Variants in NACA observed in about 807,000 individuals in gnomAD.
NACA encodes the protein nascent polypeptide associated complex subunit alpha, also known as nascent polypeptide-associated complex subunit alpha.
In NACA, 42 loss-of-function variants were observed where a neutral mutation model predicts 86.4. The observed-to-expected ratio is 0.49, with a 90% confidence interval of 0.38 to 0.63. The LOEUF (loss-of-function observed/expected upper bound fraction) is 0.63, where lower values mean the gene tolerates loss of function less well. NACA is among the 20% of genes least tolerant of loss of function. The pLI is 0.00. For missense variants in NACA, 2,157 were observed against 2,483.6 expected (o/e 0.87, Z 2.80); for synonymous variants, 898 against 973.7 (o/e 0.92, Z 1.45).
chr12:56,720,678 AG>A lies in NACA; in HGVS notation c.851del (p.Pro284LeufsTer3), dbSNP rs1782465036. On this transcript the variant is annotated frameshift_variant, in exon 3 of 9. Coordinates refer to ENST00000454682, the MANE Select transcript of NACA (RefSeq NM_001365896.1). LOFTEE classifies it high-confidence loss of function. Reference sequence around the variant, plus strand: ...CAGTCTTTTGAGAAGAGGTCACCACAGGAAGAGACTGAGTTGAAAGAGATAA... The same window carrying A: ...CAGTCTTTTGAGAAGAGGTCACCACAGAAGAGACTGAGTTGAAAGAGATAA... ...AALSLSTQSL[P>X]VVTSSQKTAG... 3 of 1,613,888 alleles carry A rather than the reference AG, an allele frequency of 1.9e-6. No individual in the cohort carries two copies. Among genetic ancestry groups the A allele is most frequent in the African/African-American group, 2.7e-5 (2 of 74,932 alleles).
At chr12:56,724,310 G>A (rs1270298439) in intron 2 of NACA, 142 bp downstream of exon 2, 4 of 721,758 alleles carry the variant, frequency 5.5e-6, no homozygotes, top group African/African-American at 3.6e-5. Flanking sequence ...AGTATCTCCA[G>A]GATAGTAATT....
Position 56,719,094 on chromosome 12 carries a change from C to G in NACA, c.2436G>C (p.Lys812Asn). The change falls in exon 3 of 9, where the codon AAG (lysine) becomes AAC (asparagine). Residue 812 changes from lysine to asparagine, a missense_variant. Coordinates refer to ENST00000454682, the MANE Select transcript of NACA (RefSeq NM_001365896.1). ...SPQTKRPPTK[K>N]GSAGPDTPIG... ...TAGGAGTATCAGGGCCAGCAGAACCCTTCTTGGTTGGAGGTCTTTTAGTCT... is the reference window on the plus strand; with the variant it reads ...TAGGAGTATCAGGGCCAGCAGAACCGTTCTTGGTTGGAGGTCTTTTAGTCT... The G allele has an allele frequency of 6.9e-7, 1 of 1,451,860 alleles. No individual in the cohort carries two copies. The highest frequency in any genetic ancestry group is 9.3e-7 in the Non-Finnish European group (1 of 1,074,432). 89.9% of individuals were successfully genotyped at this position (1,451,860 alleles called of 1,614,324 possible).
In NACA at chr12:56,715,992, C is replaced by G. The variant is rs377576508; in HGVS notation, c.5538G>C (p.Pro1846=). The G allele has an allele frequency of 6.3e-7, 1 of 1,588,000 alleles. No homozygotes were observed. Among genetic ancestry groups the G allele is most frequent in the Admixed American group, 1.7e-5 (1 of 57,770 alleles). The change falls in exon 3 of 9, where the codon CCG becomes CCC. Residue 1846 remains proline (P), a synonymous_variant. Coordinates refer to ENST00000454682, the MANE Select transcript of NACA (RefSeq NM_001365896.1). Reference sequence around the variant, plus strand: ...AAGGCACTCCCCCAGAGATTGGTTCCGGGGGAATCAGAGGCAGCAGCTCAT... The same window carrying G: ...AAGGCACTCCCCCAGAGATTGGTTCGGGGGGAATCAGAGGCAGCAGCTCAT... ...DEDELLPLIP[P]EPISGGVPFQ...
Position 56,720,723 on chromosome 12 carries a change from A to C in NACA, c.807T>G (p.Pro269=), listed in dbSNP as rs1953549059. The C allele has an allele frequency of 6.2e-7, 1 of 1,613,988 alleles. No individual in the cohort carries two copies. ...GAGATAAGGCAGCAGGTGGACTAAC[A>C]GGCCCCTTCAGGCTGAGGCTTCCTG... is the stretch of plus-strand genomic sequence containing the variant. ...QNPGSLSLKG[P]VSPPAALSLS... is the part of the protein sequence containing the mutation. The change falls in exon 3 of 9, where the codon CCT becomes CCG. Residue 269 remains proline (P), a synonymous_variant. Transcript: ENST00000454682.
At position 56,720,881 on chromosome 12, in the gene NACA, C is replaced by A. The variant is rs779345811; in HGVS notation, c.649G>T (p.Val217Leu). The A allele has an allele frequency of 8.1e-6, 13 of 1,613,938 alleles. No homozygotes were observed. The South Asian group carries it at 1.3e-4, about 16-fold the overall frequency. Residue 217 changes from valine (V) to leucine (L), a missense_variant, in exon 3 of 9, where the codon GTG (valine) becomes TTG (leucine). Coordinates refer to ENST00000454682, the MANE Select transcript of NACA (RefSeq NM_001365896.1). Reference protein sequence around the residue: ...CIVSTVPYHCVTPMASIQSGV... With the variant: ...CIVSTVPYHCLTPMASIQSGV... ...GATTGAATAGAGGCCATGGGAGTCA[C>A]ACAGTGGTAAGGAACAGTACTGACT... is the stretch of plus-strand genomic sequence containing the variant.
intron 2 of NACA, among the ~76,000 whole-genome samples, chr12:56,723,843 AT>A (rs1407476021): frequency 6.6e-6 from 1 of 152,176 alleles, no homozygotes; most frequent in Non-Finnish European, 1.5e-5. Context: ...ACAGTCGTTA[AT>A]TTCGACGCTG....
Position 56,717,020 on chromosome 12 carries a change from TG to T in NACA, c.4509del (p.Thr1504LeufsTer5). 2.5e-6 allele frequency: 3 copies of T among 1,180,388 alleles called. No homozygotes were observed. Among genetic ancestry groups the T allele is most frequent in the Non-Finnish European group, 1.1e-6 (1 of 943,376 alleles). 73.1% of individuals were successfully genotyped at this position (1,180,388 alleles called of 1,614,324 possible). A position where few individuals can be genotyped will look rare whatever the true frequency, so the allele number is the denominator to read the frequency against. On this transcript the variant is annotated frameshift_variant, in exon 3 of 9. Transcript: ENST00000454682. LOFTEE classifies it high-confidence loss of function. ...APATPAPMGA[P>X]TLPAVIPSSP... ...GAAGAAGGAATCACAGCTGGCAGAG[TG>T]GGGGCCCCCATGGGGGCTGGAGTTG...
Position 56,719,975 on chromosome 12 carries a change from G to A in NACA, c.1555C>T (p.Pro519Ser), listed in dbSNP as rs185561121. Residue 519 changes from proline (P) to serine (S), a missense_variant, in exon 3 of 9, where the codon CCC becomes TCC. Physicochemically the swap from Pro to Ser is moderately conservative, Grantham distance 74. Transcript: ENST00000454682. The stretch of plus-strand genomic sequence containing the variant: ...GGAAATTTAACCAATACTGAACTGG[G>A]GAGATTTTTGAGGTCTTCAGGGTCT... ...LPDPEDLKNL[P>S]SSVLVKFPTQ... The A allele has an allele frequency of 4.6e-4, 750 of 1,613,910 alleles. 2 individuals carry two copies. In the East Asian group the frequency reaches 0.01, roughly 22 times the overall value.
At chr12:56,712,951 C>T (rs368635646) in intron 7 of NACA, 43 bp from the exon 8 acceptor site, 284 of 1,613,596 alleles carry the variant, frequency 1.8e-4, no homozygotes, top group Middle Eastern at 8.3e-4. Context: ...AAGGCAAGAA[C>T]AATTTCAGCA....
Position 56,716,908 on chromosome 12 carries a change from G to C in NACA, c.4622C>G (p.Thr1541Ser), listed in dbSNP as rs769935805. The C allele has an allele frequency of 7.6e-7, 1 of 1,316,448 alleles. No individual in the cohort carries two copies. Among genetic ancestry groups the C allele is most frequent in the Non-Finnish European group, 9.9e-7 (1 of 1,012,962 alleles). 81.5% of individuals were successfully genotyped at this position (1,316,448 alleles called of 1,614,324 possible). A position where few individuals can be genotyped will look rare whatever the true frequency, so the allele number is the denominator to read the frequency against. ...ATLLSKKTPA[T>S]LAPKEALIPP... ...AATGAGGGCCTCTTTGGGGGCTAGA[G>C]TTGCTGGGGTCTTTTTAGAGAGAAG... The change falls in exon 3 of 9, where the codon ACT (threonine) becomes AGT (serine). Residue 1541 changes from threonine (T) to serine (S), a missense_variant. Around this residue, in one of 8 missense-constraint regions of NACA, gnomAD observed 797 missense variants for 777.6 expected, o/e 1.02. Transcript: ENST00000454682.
In NACA at chr12:56,717,735, AGTGGGGGCCCCTTTGGGGGG is replaced by A; in HGVS notation, c.3775_3794del (p.Pro1259SerfsTer79). The stretch of plus-strand genomic sequence containing the variant: ...GGGAGGGAGGAGTTGCAGCTGGGGG[AGTGGGGGCCCCTTTGGGGGG>A]TGGGGTAGCTGGGCCTCCTTTTGGG... On this transcript the variant is annotated frameshift_variant, in exon 3 of 9. Transcript: ENST00000454682. LOFTEE classifies it high-confidence loss of function. 1 of 957,384 alleles carries A rather than the reference AGTGGGGGCCCCTTTGGGGGG, an allele frequency of 1.0e-6. No homozygotes were observed. The allele number at this position is 957,384 out of a possible 1,614,324, so 59.3% of individuals were successfully genotyped here. A position where few individuals can be genotyped will look rare whatever the true frequency, so the allele number is the denominator to read the frequency against.
chr12:56,724,639 G>A (rs1300764857), intron 1 of NACA, 116 bp from the exon 2 acceptor site: 7 of 1,123,932 alleles, frequency 6.2e-6, no homozygotes, highest in South Asian at 1.5e-5. Flanking sequence ...AAATCGTGAG[G>A]GTGTTTGGTG....
At chr12:56,714,865 G>A (rs113978151) in intron 3 of NACA, 178 bp from the exon 4 acceptor site, 24 of 614,036 alleles carry the variant, frequency 3.9e-5, no homozygotes, top group African/African-American at 7.4e-5. Flanking sequence ...ACTAACTAGC[G>A]GGTACACATC....
chr12:56,717,017 G>C lies in NACA; in HGVS notation c.4513C>G (p.Leu1505Val). ...ATPAPMGAPT[L>V]PAVIPSSPKE... ...GGGGAAGAAGGAATCACAGCTGGCA[G>C]AGTGGGGGCCCCCATGGGGGCTGGA... Residue 1505 changes from leucine (L) to valine (V), a missense_variant, in exon 3 of 9, where the codon CTG becomes GTG. This residue lies in a region of NACA where 797 missense variants were observed against 777.6 expected (regional missense o/e 1.02). Coordinates refer to ENST00000454682, the MANE Select transcript of NACA (RefSeq NM_001365896.1). 6 of 1,270,648 alleles carry C rather than the reference G, an allele frequency of 4.7e-6. No individual in the cohort carries two copies. The highest frequency in any genetic ancestry group is 6.1e-6 in the Non-Finnish European group (6 of 989,598). 78.7% of individuals were successfully genotyped at this position (1,270,648 alleles called of 1,614,324 possible).
Position 56,719,879 on chromosome 12 carries a change from G to C in NACA, c.1651C>G (p.Leu551Val), listed in dbSNP as rs777931483. 3 of 1,613,938 alleles carry C rather than the reference G, an allele frequency of 1.9e-6. No homozygotes were observed. Among genetic ancestry groups the C allele is most frequent in the East Asian group, 2.2e-5 (1 of 44,884 alleles). ...ACAGTAGGGTCTTTCTTGGTGGTGA[G>C]TCCTGCTTGGGCTGGAGAGAAAGGG... ...GAPFSPAQAG[L>V]TTKKDPTVLP... Residue 551 changes from leucine to valine, a missense_variant, in exon 3 of 9, where the codon CTC becomes GTC. Physicochemically the swap from Leu to Val is conservative, Grantham distance 32. Coordinates refer to ENST00000454682, the MANE Select transcript of NACA (RefSeq NM_001365896.1).
At chr12:56,723,410 C>T (rs572879021) in intron 2 of NACA, among the ~76,000 whole-genome samples, 2 of 152,172 alleles carry the variant, frequency 1.3e-5, no homozygotes, top group African/African-American at 4.8e-5. Context: ...TCTCTAAAAT[C>T]TCGTTTTGTA....
chr12:56,717,414 T>C lies in NACA; in HGVS notation c.4116A>G (p.Pro1372=). ...TPSSKEGPTP[P]AATPSHKGGP... ...CTCCTTTGTGGGAGGGGGTTGCAGC[T>C]GGGGGAGTGGGGCCCTCTTTGGAGG... The change falls in exon 3 of 9, where the codon CCA becomes CCG. Residue 1372 remains proline, a synonymous_variant. Coordinates refer to ENST00000454682, the MANE Select transcript of NACA (RefSeq NM_001365896.1). The C allele has an allele frequency of 8.7e-7, 1 of 1,154,734 alleles. No homozygotes were observed. The highest frequency in any genetic ancestry group is 1.7e-5 in the South Asian group (1 of 58,240). The allele number at this position is 1,154,734 out of a possible 1,614,324, so 71.5% of individuals were successfully genotyped here. A position where few individuals can be genotyped will look rare whatever the true frequency, so the allele number is the denominator to read the frequency against.
chr12:56,721,362 G>T lies in NACA; in HGVS notation c.168C>A (p.Cys56Ter), dbSNP rs780857941. ...PPPCSPAPQQ[C>*]PLSAANQASP... is the part of the protein sequence containing the mutation. ...AAGCCTGGTTAGCAGCTGAGAGAGG[G>T]CACTGTTGTGGGGCAGGAGAGCAAG... The change falls in exon 3 of 9, where the codon TGC (cysteine) becomes TGA (stop). Residue 56 changes from cysteine (C) to a stop codon, truncating the protein, a stop_gained. Transcript: ENST00000454682. LOFTEE classifies it high-confidence loss of function. The T allele has an allele frequency of 1.9e-6, 3 of 1,602,800 alleles. No homozygotes were observed. The highest frequency in any genetic ancestry group is 2.6e-6 in the Non-Finnish European group (3 of 1,175,194).
At chr12:56,714,300 T>C in intron 5 of NACA, 62 bp downstream of exon 5, 1 of 1,541,676 alleles carries the variant, frequency 6.5e-7, no homozygotes, top group Non-Finnish European at 8.9e-7. Flanking sequence ...CCTATGGAAA[T>C]AAACAGTTCC....
Sources: gnomAD v4.1 joint callset for allele counts (sites outside exome capture counted in the v4.1 genomes callset) on GRCh38, gnomAD v4.1.1 for gene constraint, gnomAD v4.1.1 regional missense constraint, MANE v1.5 for transcripts, NCBI Gene and HGNC (gene_info 2026-07-23, HGNC 2026-07-21) for gene names.